The following KLF11 variants were observed in gnomAD, a reference collection of about 807,000 sequenced individuals.
KLF11 encodes the protein Krueppel-like factor 11.
In KLF11, 26 loss-of-function variants were observed where a neutral mutation model predicts 29.9. That is an observed-to-expected ratio of 0.87 (90% confidence interval 0.64 to 1.21). KLF11 has a LOEUF of 1.21. Among genes scored for constraint, KLF11 ranks in the 50% most tolerant of loss-of-function variants. The probability of loss-of-function intolerance (pLI) is 0.00; values close to 1 mark genes in which losing one functional copy is unlikely to be tolerated. For missense variants in KLF11, 778 were observed against 665.7 expected (o/e 1.17, Z -1.86); for synonymous variants, 318 against 257.4 (o/e 1.24, Z -2.25).
In KLF11 at chr2:10,044,885, T is replaced by G. The variant is rs1179028356; in HGVS notation, c.42+1127T>G. 3.9e-5 allele frequency among the ~76,000 whole-genome samples: 6 copies of G among 152,050 alleles called. No homozygotes were observed. In the East Asian group the frequency reaches 1.2e-3, roughly 29 times the overall value. On this transcript the variant is annotated intron_variant, in intron 1 of 3. Transcript: ENST00000305883. ...TGAGGGTCTGGTGCGGTGGCTCACGTCTGTAATCCCAGCACTCTGGGAGAC... is the reference window on the plus strand; with the variant it reads ...TGAGGGTCTGGTGCGGTGGCTCACGGCTGTAATCCCAGCACTCTGGGAGAC...
intron 1 of KLF11, chr2:10,044,042 C>T: frequency 1.4e-6 from 1 of 702,916 alleles, no homozygotes; most frequent in Non-Finnish European, 1.8e-6. Context: ...CTATTTCCAG[C>T]CATGACGTCA....
rs1327726598 is a variant in KLF11, at chr2:10,048,454, C to G, written c.1117C>G (p.Pro373Ala). The G allele has an allele frequency of 1.6e-5, 26 of 1,614,016 alleles. No homozygotes were observed. The highest frequency in any genetic ancestry group is 2.2e-5 in the Non-Finnish European group (26 of 1,180,050). Residue 373 changes from proline to alanine, a missense_variant, in exon 3 of 4, where the codon CCA becomes GCA. Pro to Ala is a conservative substitution (Grantham distance 27). Transcript: ENST00000305883. ...NTKLLPLAPAPVFITSSQNCV... is the reference protein window; with the variant it reads ...NTKLLPLAPAAVFITSSQNCV... ...CAAGTTGTTGCCCCTTGCCCCTGCT[C>G]CAGTGTTCATCACCTCTAGCCAAAA... is the stretch of plus-strand genomic sequence containing the variant.
At chr2:10,043,943 C>A in intron 1 of KLF11, 185 bp downstream of exon 1, 1 of 992,892 alleles carries the variant, frequency 1.0e-6, no homozygotes. Flanking sequence ...GACGGGCGCG[C>A]CCGGGTCGGC....
Position 10,054,312 on chromosome 2 carries a change from C to G in KLF11, c.*1805C>G, listed in dbSNP as rs1165489037. The stretch of plus-strand genomic sequence containing the variant: ...ATTTGGATATTTTTCTTAATTATGA[C>G]ATGCAAAGTAATGTGAGTCCTGCCA... On this transcript the variant is annotated 3_prime_UTR_variant, in exon 4 of 4. Transcript: ENST00000305883. The G allele has an allele frequency of 6.6e-6, 1 of 152,196 alleles. No individual in the cohort carries two copies. Among genetic ancestry groups the G allele is most frequent in the Non-Finnish European group, 1.5e-5 (1 of 68,040 alleles). 9.4% of individuals were successfully genotyped at this position (152,196 alleles called of 1,614,324 possible).
chr2:10,043,816 G>A (rs1238623642), intron 1 of KLF11, 58 bp downstream of exon 1: 4 of 1,323,684 alleles, frequency 3.0e-6, no homozygotes, highest in East Asian at 4.4e-5. Context: ...CGAGGCGGGG[G>A]AAGTGGTGCG....
At chr2:10,047,061 C>G (rs985947505) in intron 2 of KLF11, among the ~76,000 whole-genome samples, 1 of 152,080 alleles carries the variant, frequency 6.6e-6, no homozygotes, top group Non-Finnish European at 1.5e-5. Context: ...CAGAATATAT[C>G]GGTAGCAGCT....
At position 10,044,085 on chromosome 2, in the gene KLF11, G is replaced by A. The variant is rs557699119; in HGVS notation, c.42+327G>A. ...CCTGTGAGCCGGACGGCCGTTGGGCGGGGGAGCGGCTGGCGGGAACGCGGC... is the reference window on the plus strand; with the variant it reads ...CCTGTGAGCCGGACGGCCGTTGGGCAGGGGAGCGGCTGGCGGGAACGCGGC... On this transcript the variant is annotated intron_variant, in intron 1 of 3. Coordinates refer to ENST00000305883, the MANE Select transcript of KLF11 (RefSeq NM_003597.5). 207 of 710,780 alleles carry A rather than the reference G, an allele frequency of 2.9e-4. 3 individuals carry two copies. The South Asian group carries it at 0.011, about 37-fold the overall frequency. The allele number at this position is 710,780 out of a possible 1,614,324, so 44.0% of individuals were successfully genotyped here.
chr2:10,047,145 C>T (rs1363068903), intron 2 of KLF11, among the ~76,000 whole-genome samples: 1 of 152,168 alleles, frequency 6.6e-6, no homozygotes, highest in Non-Finnish European at 1.5e-5. Context: ...CAGCCGACTC[C>T]TTAATGTGAG....
intron 3 of KLF11, 119 bp downstream of exon 3, chr2:10,048,714 G>A: frequency 1.3e-6 from 1 of 787,542 alleles, no homozygotes; most frequent in Non-Finnish European, 2.2e-6. Flanking sequence ...TGGAAGTGTG[G>A]CTTTTTCTTT....
rs144431930 is a variant in KLF11, at chr2:10,048,290, T to G, written c.953T>G (p.Leu318Arg). The change falls in exon 3 of 4, where the codon CTA (leucine) becomes CGA (arginine). Residue 318 changes from leucine to arginine, a missense_variant. Coordinates refer to ENST00000305883, the MANE Select transcript of KLF11 (RefSeq NM_003597.5). Reference sequence around the variant, plus strand: ...TCTGTGGGGACTGTGAGACCCATCCTAGCTCAGGCTGCTCCAGCGCCTCAA... The same window carrying G: ...TCTGTGGGGACTGTGAGACCCATCCGAGCTCAGGCTGCTCCAGCGCCTCAA... ...QLSVGTVRPI[L>R]AQAAPAPQPV... is the part of the protein sequence containing the mutation. The G allele has an allele frequency of 8.9e-5, 142 of 1,602,042 alleles. No homozygotes were observed. The African/African-American group carries it at 1.7e-3, about 19-fold the overall frequency.
At position 10,045,727 on chromosome 2, in the gene KLF11, CAGAG is replaced by C. The variant is rs374107602; in HGVS notation, c.43-420_43-417del. On this transcript the variant is annotated intron_variant, in intron 1 of 3. Transcript: ENST00000305883. ...CACTGCTTTGGCGGCTTTGCCGCCTCAGAGAGCCATGGTCAGGGCGCCGCGGCCA... is the reference window on the plus strand; with the variant it reads ...CACTGCTTTGGCGGCTTTGCCGCCTCAGCCATGGTCAGGGCGCCGCGGCCA... Among the ~76,000 whole-genome samples, 282 of 152,380 alleles carry C rather than the reference CAGAG, an allele frequency of 1.9e-3. 3 individuals are homozygous for C. The highest frequency in any genetic ancestry group is 0.014 in the Middle Eastern group (4 of 294).
intron 3 of KLF11, among the ~76,000 whole-genome samples, chr2:10,048,801 C>T (rs960722989): frequency 1.1e-3 from 174 of 152,074 alleles, no homozygotes; most frequent in African/African-American, 3.8e-3. Context: ...ACAGAGCGCT[C>T]GCCCTGGAAG....
Position 10,047,770 on chromosome 2 carries a change from G to A in KLF11, c.433G>A (p.Val145Met). 1.2e-6 allele frequency: 2 copies of A among 1,613,792 alleles called. No homozygotes were observed. The highest frequency in any genetic ancestry group is 1.7e-6 in the Non-Finnish European group (2 of 1,179,992). The part of the protein sequence containing the change: ...ATDVLQSSAV[V>M]ARALSGGAER... ...GGATGTTCTCCAGTCCTCTGCCGTA[G>A]TGGCCAGAGCTCTGAGCGGGGGCGC... Residue 145 changes from valine to methionine, a missense_variant, in exon 3 of 4, where the codon GTG becomes ATG. Physicochemically the swap from Val to Met is conservative, Grantham distance 21. Coordinates refer to ENST00000305883, the MANE Select transcript of KLF11 (RefSeq NM_003597.5).
At position 10,052,415 on chromosome 2, in the gene KLF11, C is replaced by T. The variant is rs761563032; in HGVS notation, c.1447C>T (p.Pro483Ser). The T allele has an allele frequency of 5.1e-5, 82 of 1,614,038 alleles. No homozygotes were observed. The highest frequency in any genetic ancestry group is 4.9e-4 in the Middle Eastern group (3 of 6,084). The change falls in exon 4 of 4, where the codon CCA becomes TCA. Residue 483 changes from proline (P) to serine (S), a missense_variant. Coordinates refer to ENST00000305883, the MANE Select transcript of KLF11 (RefSeq NM_003597.5). ...ARRHMTTKKIPGWQAEVGKLN... is the reference protein window; with the variant it reads ...ARRHMTTKKISGWQAEVGKLN... ...GCGCCACATGACGACCAAGAAGATC[C>T]CAGGCTGGCAGGCAGAGGTTGGCAA...
chr2:10,051,487 G>GT, intron 3 of KLF11, among the ~76,000 whole-genome samples: 1 of 152,236 alleles, frequency 6.6e-6, no homozygotes, highest in Middle Eastern at 3.4e-3. Context: ...GATTACAGGC[G>GT]TGAGCCACCG....
In KLF11 at chr2:10,048,173, C is replaced by T; in HGVS notation, c.836C>T (p.Ser279Phe). Residue 279 changes from serine to phenylalanine, a missense_variant, in exon 3 of 4, where the codon TCT (serine) becomes TTT (phenylalanine). Transcript: ENST00000305883. ...AAAACCACCCCTCTGATTTCTGTCT[C>T]TGTCCCTGCTCCCCCTGTCCTTTGC... is the stretch of plus-strand genomic sequence containing the variant. ...PRKTTPLISVSVPAPPVLCQM... is the reference protein window; with the variant it reads ...PRKTTPLISVFVPAPPVLCQM... 2 of 1,614,224 alleles carry T rather than the reference C, an allele frequency of 1.2e-6. No individual in the cohort carries two copies. The highest frequency in any genetic ancestry group is 1.7e-6 in the Non-Finnish European group (2 of 1,180,040).
In KLF11 at chr2:10,053,639, C is replaced by T. The variant is rs1206968610; in HGVS notation, c.*1132C>T. On this transcript the variant is annotated 3_prime_UTR_variant, in exon 4 of 4. Transcript: ENST00000305883. Reference sequence around the variant, plus strand: ...AAATGGCAGTAATACTACCCAACTGCCTTTCTGTTCATTTTGTTTGAAGGA... The same window carrying T: ...AAATGGCAGTAATACTACCCAACTGTCTTTCTGTTCATTTTGTTTGAAGGA... 2.6e-6 allele frequency: 1 copy of T among 385,462 alleles called. No homozygotes were observed. The highest frequency in any genetic ancestry group is 4.6e-6 in the Non-Finnish European group (1 of 218,028). The allele number at this position is 385,462 out of a possible 1,614,324, so 23.9% of individuals were successfully genotyped here.
intron 1 of KLF11, among the ~76,000 whole-genome samples, chr2:10,045,868 A>G (rs1048502745): frequency 5.3e-5 from 8 of 152,226 alleles, no homozygotes; most frequent in South Asian, 2.1e-4. Flanking sequence ...TTAATCATTT[A>G]CCCAAGAAAA....
At chr2:10,044,001 C>T (rs1306012587) in intron 1 of KLF11, 6 of 781,384 alleles carry the variant, frequency 7.7e-6, no homozygotes, top group South Asian at 5.7e-5. Flanking sequence ...TCTTGCGCTT[C>T]CTGGGCGGCC....
Sources: allele counts gnomAD v4.1 joint callset (sites outside exome capture counted in the v4.1 genomes callset), GRCh38; gene constraint gnomAD v4.1.1; transcripts MANE v1.5; gene names NCBI Gene and HGNC (gene_info 2026-07-23, HGNC 2026-07-21).